The following KCNK10 variants were observed in gnomAD, a reference collection of about 807,000 sequenced individuals.
KCNK10 encodes the protein potassium channel subfamily K member 10.
A neutral mutation model predicts 47.7 loss-of-function variants in KCNK10; 25 were observed. That is an observed-to-expected ratio of 0.52 (90% confidence interval 0.38 to 0.73). The LOEUF is 0.73. Among genes scored for constraint, KCNK10 ranks in the 30% least tolerant of loss-of-function variants. KCNK10 has a pLI of 0.00. For missense variants in KCNK10, 563 were observed against 714.5 expected (o/e 0.79, Z 2.42); for synonymous variants, 303 against 285.6 (o/e 1.06, Z -0.61).
chr14:88,220,817 T>C (rs1002770192), intron 4 of KCNK10, among the ~76,000 whole-genome samples: 1 of 152,030 alleles, frequency 6.6e-6, no homozygotes, highest in African/African-American at 2.4e-5. Flanking sequence ...ACTTTTTAGA[T>C]ACAACAAACA....
intron 4 of KCNK10, among the ~76,000 whole-genome samples, chr14:88,225,560 T>C (rs1885957142): frequency 6.6e-6 from 1 of 152,216 alleles, no homozygotes; most frequent in African/African-American, 2.4e-5. Flanking sequence ...GTCCAGATGA[T>C]TGCAACCTCT....
At chr14:88,277,659 C>G (rs1357030525) in intron 1 of KCNK10, among the ~76,000 whole-genome samples, 3 of 152,194 alleles carry the variant, frequency 2.0e-5, no homozygotes, top group Non-Finnish European at 4.4e-5. Flanking sequence ...AGTCAATTAT[C>G]TTCAATAAAA....
intron 2 of KCNK10, among the ~76,000 whole-genome samples, chr14:88,247,826 C>A (rs1008501968): frequency 1.3e-5 from 2 of 152,110 alleles, no homozygotes. Flanking sequence ...CTTATGAGAC[C>A]AGGCCATATT....
intron 2 of KCNK10, among the ~76,000 whole-genome samples, chr14:88,241,412 A>C (rs917301524): frequency 6.6e-6 from 1 of 152,162 alleles, no homozygotes; most frequent in African/African-American, 2.4e-5. Flanking sequence ...GGTCCAAGTA[A>C]CACCCTTAGC....
chr14:88,262,656 C>A (rs1238492157), intron 2 of KCNK10, among the ~76,000 whole-genome samples: 1 of 152,122 alleles, frequency 6.6e-6, no homozygotes, highest in African/African-American at 2.4e-5. Flanking sequence ...AGTAAGTATT[C>A]AAAAACAGCA....
chr14:88,186,021 G>A lies in KCNK10; in HGVS notation c.1146C>T (p.Arg382=), dbSNP rs1451842102. The change falls in exon 7 of 7, where the codon CGC becomes CGT. Residue 382 remains arginine (R), a synonymous_variant. Coordinates refer to ENST00000319231, the MANE Select transcript of KCNK10 (RefSeq NM_138317.3). The surrounding 1 kb of genome is among the most constrained non-coding windows in gnomAD (Gnocchi z 5.5). ...QRAATIRSME[R]RRLGLDQRAH... The stretch of plus-strand genomic sequence containing the variant: ...CCCGCTGGTCCAGGCCCAGCCGCCG[G>A]CGCTCCATGCTGCGGATGGTGGCCG... 1.2e-6 allele frequency: 2 copies of A among 1,613,578 alleles called. No individual in the cohort carries two copies. The highest frequency in any genetic ancestry group is 2.2e-5 in the South Asian group (2 of 91,040).
chr14:88,192,666 CT>C (rs983882089), intron 4 of KCNK10, among the ~76,000 whole-genome samples: 23 of 152,314 alleles, frequency 1.5e-4, no homozygotes, highest in Admixed American at 1.4e-3. Context: ...AAAAATCCTG[CT>C]TAGCCAATGC....
intron 1 of KCNK10, among the ~76,000 whole-genome samples, chr14:88,311,467 CAA>C (rs948913330): frequency 1.3e-5 from 2 of 152,144 alleles, no homozygotes; most frequent in African/African-American, 4.8e-5. Context: ...CATCTCCAAA[CAA>C]GAGACCACGG....
upstream of KCNK10, chr14:88,326,369 A>G: frequency 6.5e-7 from 1 of 1,547,146 alleles, no homozygotes; most frequent in Non-Finnish European, 8.9e-7. Context: ...ATCCCCCTCC[A>G]TCCCCTTCGG....
intron 1 of KCNK10, among the ~76,000 whole-genome samples, chr14:88,292,355 G>T (rs1288927139): frequency 6.6e-6 from 1 of 152,096 alleles, no homozygotes; most frequent in Admixed American, 6.5e-5. Flanking sequence ...TGTTGTTGTT[G>T]CTGTTGTTGT....
At chr14:88,239,376 G>A (rs1886386631) in intron 3 of KCNK10, among the ~76,000 whole-genome samples, 1 of 152,148 alleles carries the variant, frequency 6.6e-6, no homozygotes. Flanking sequence ...AGTGCCAAGA[G>A]TTATCATTTA....
At chr14:88,326,472 T>G (rs3742690), upstream of KCNK10, 1,543,305 of 1,610,446 alleles carry the variant, frequency 0.96, 741,516 homozygotes, top group Middle Eastern at 0.99. Context: ...AAGATGCCGC[T>G]CCAAGCGGTT....
At chr14:88,317,576 G>A (rs1159166966) in intron 1 of KCNK10, among the ~76,000 whole-genome samples, 1 of 152,204 alleles carries the variant, frequency 6.6e-6, no homozygotes, top group African/African-American at 2.4e-5. Context: ...GTCGCTGGGA[G>A]GAAGGAAAGC....
intron 2 of KCNK10, among the ~76,000 whole-genome samples, chr14:88,258,750 T>C (rs1887029699): frequency 6.6e-6 from 1 of 152,178 alleles, no homozygotes; most frequent in South Asian, 2.1e-4. Flanking sequence ...TTTCTTCACC[T>C]TTAGGGATAG....
chr14:88,267,416 G>T (rs1394254462), intron 1 of KCNK10, among the ~76,000 whole-genome samples: 8 of 151,484 alleles, frequency 5.3e-5, no homozygotes, highest in Admixed American at 3.9e-4. Context: ...TCTCGCCCAG[G>T]CTGGAGTGCA....
chr14:88,239,274 T>C (rs781472124), intron 3 of KCNK10, among the ~76,000 whole-genome samples: 1 of 151,988 alleles, frequency 6.6e-6, no homozygotes, highest in Non-Finnish European at 1.5e-5. Flanking sequence ...ATACAACTTA[T>C]ATAGAATGAC....
At chr14:88,249,411 G>A (rs192957590) in intron 2 of KCNK10, among the ~76,000 whole-genome samples, 2 of 152,306 alleles carry the variant, frequency 1.3e-5, no homozygotes, top group East Asian at 1.9e-4. Context: ...GGACAACCAG[G>A]AGGTAATCAC....
chr14:88,250,768 G>C (rs1250357698), intron 2 of KCNK10, among the ~76,000 whole-genome samples: 2 of 152,196 alleles, frequency 1.3e-5, no homozygotes, highest in African/African-American at 2.4e-5. Context: ...GCACACCCCT[G>C]TAGTCCCAGC....
At chr14:88,215,844 A>G (rs1197874383) in intron 4 of KCNK10, among the ~76,000 whole-genome samples, 1 of 152,202 alleles carries the variant, frequency 6.6e-6, no homozygotes, top group African/African-American at 2.4e-5. Flanking sequence ...AAGTAGTTCT[A>G]TTTTAGGCAA....
Sources: allele counts gnomAD v4.1 joint callset (sites outside exome capture counted in the v4.1 genomes callset), GRCh38; gene constraint gnomAD v4.1.1; non-coding constraint Gnocchi (gnomAD v3.1); transcripts MANE v1.5; gene names NCBI Gene and HGNC (gene_info 2026-07-23, HGNC 2026-07-21).